Variants in LLGL1 observed in about 807,000 individuals in gnomAD.
The protein encoded by LLGL1 is LLGL scribble cell polarity complex component 1.
In LLGL1, 58 loss-of-function variants were observed where a neutral mutation model predicts 110.6. The ratio of observed to expected loss-of-function variants is 0.52; its 90% confidence interval spans 0.42 to 0.65. LLGL1 has a LOEUF of 0.65. LLGL1 is among the 30% of genes least tolerant of loss of function. LLGL1 has a pLI of 0.00. For synonymous variants in LLGL1, 674 were observed against 607.2 expected (o/e 1.11, Z -1.62); for missense variants, 1,229 against 1,462.1 (o/e 0.84, Z 2.60).
At chr17:18,228,233 A>G (rs909198925) in intron 1 of LLGL1, among the ~76,000 whole-genome samples, 1 of 152,308 alleles carries the variant, frequency 6.6e-6, no homozygotes, top group African/African-American at 2.4e-5. Context: ...AGGGGGTGAG[A>G]GGTGTGGCCA....
chr17:18,241,251 G>A (rs1026445044), intron 17 of LLGL1, 200 bp from the exon 18 acceptor site: 6 of 648,294 alleles, frequency 9.3e-6, no homozygotes, highest in South Asian at 4.0e-5. Flanking sequence ...GTCACAGATC[G>A]AGAGAGGGCC....
chr17:18,227,279 G>T (rs1309766245), intron 1 of LLGL1, among the ~76,000 whole-genome samples: 1 of 152,230 alleles, frequency 6.6e-6, no homozygotes, highest in African/African-American at 2.4e-5. Context: ...AGGGAAGCTG[G>T]TGCTCCGTGG....
At chr17:18,236,035 A>T (rs769459705) in intron 11 of LLGL1, 51 of 184,028 alleles carry the variant, frequency 2.8e-4, no homozygotes, top group Middle Eastern at 2.4e-3. Flanking sequence ...ACAGTCACAC[A>T]CCTCTCACGC....
chr17:18,240,564 C>G lies in LLGL1; in HGVS notation c.2207-14C>G. Reference sequence around the variant, plus strand: ...CCCACAGGGAGCACCCTCCTACGCGCTTGTTTTCTGCAGGGGCCCACCACG... The same window carrying G: ...CCCACAGGGAGCACCCTCCTACGCGGTTGTTTTCTGCAGGGGCCCACCACG... On this transcript the variant is annotated splice_polypyrimidine_tract_variant and intron_variant, in intron 16 of 22. Coordinates refer to ENST00000316843, the MANE Select transcript of LLGL1 (RefSeq NM_004140.4). This position sits in a 1 kb window ranked among gnomAD's most constrained non-coding sequence, Gnocchi z 5.3. 1 of 1,579,846 alleles carries G rather than the reference C, an allele frequency of 6.3e-7. No homozygotes were observed. Among genetic ancestry groups the G allele is most frequent in the Non-Finnish European group, 8.6e-7 (1 of 1,159,640 alleles).
rs2047724736 is a variant in LLGL1, at chr17:18,237,614, C to G, written c.1745C>G (p.Pro582Arg). Residue 582 changes from proline to arginine, a missense_variant, in exon 14 of 23, where the codon CCC becomes CGC. By Grantham distance (103) the Pro-to-Arg change is moderately radical. Transcript: ENST00000316843. ...CTGAGCCCACGCACGGGGCCGCTGCCCTGGCCTGCTGGCTTCCAGCCCCGT... is the reference window on the plus strand; with the variant it reads ...CTGAGCCCACGCACGGGGCCGCTGCGCTGGCCTGCTGGCTTCCAGCCCCGT... ...ERLSPRTGPL[P>R]WPAGFQPRVL... 5 of 1,611,412 alleles carry G rather than the reference C, an allele frequency of 3.1e-6. No individual in the cohort carries two copies. The highest frequency in any genetic ancestry group is 4.2e-6 in the Non-Finnish European group (5 of 1,179,874).
chr17:18,232,728 C>G lies in LLGL1; in HGVS notation c.318C>G (p.His106Gln), dbSNP rs767907165. 2 of 1,614,040 alleles carry G rather than the reference C, an allele frequency of 1.2e-6. No individual in the cohort carries two copies. Among genetic ancestry groups the G allele is most frequent in the African/African-American group, 2.7e-5 (2 of 74,944 alleles). Residue 106 changes from histidine (H) to glutamine (Q), a missense_variant, in exon 4 of 23, where the codon CAC becomes CAG. Transcript: ENST00000316843. ...DSSLHLWEIVHHNGCAHLEEA... is the reference protein window; with the variant it reads ...DSSLHLWEIVQHNGCAHLEEA... ...GTCTGCATCTCTGGGAGATTGTCCA[C>G]CATAATGGCTGTGCCCACCTGGAAG...
chr17:18,241,385 G>T (rs2047827782), intron 17 of LLGL1, 66 bp from the exon 18 acceptor site: 4 of 1,543,514 alleles, frequency 2.6e-6, no homozygotes, highest in Admixed American at 3.6e-5. Flanking sequence ...CAGCAGCCAC[G>T]AGGGTGAGGG....
intron 1 of LLGL1, among the ~76,000 whole-genome samples, chr17:18,226,280 C>T (rs2047440805): frequency 6.6e-6 from 1 of 152,196 alleles, no homozygotes; most frequent in African/African-American, 2.4e-5. Flanking sequence ...TCTGTGGAGT[C>T]TCTCGACCTC....
chr17:18,238,952 A>G (rs138400233), intron 16 of LLGL1, among the ~76,000 whole-genome samples: 1,553 of 152,094 alleles, frequency 0.01, 10 homozygotes, highest in Non-Finnish European at 0.016. Flanking sequence ...CGGAGGTTGC[A>G]GTGAGCCGAG....
chr17:18,235,489 GC>G lies in LLGL1; in HGVS notation c.1306del (p.Arg436GlufsTer14). On this transcript the variant is annotated frameshift_variant, in exon 11 of 23. Coordinates refer to ENST00000316843, the MANE Select transcript of LLGL1 (RefSeq NM_004140.4). LOFTEE classifies it high-confidence loss of function. ...SSALSWPITG[G>X]RNLAQEPSQR... ...TCCCAGAGCTGGCCCATCACTGGGG[GC>G]CGAAACCTGGCCCAGGAGCCGTCAC... The G allele has an allele frequency of 6.2e-7, 1 of 1,614,030 alleles. No homozygotes were observed. The highest frequency in any genetic ancestry group is 8.5e-7 in the Non-Finnish European group (1 of 1,180,014).
intron 8 of LLGL1, 23 bp downstream of exon 8, chr17:18,234,726 C>A (rs753036127): frequency 6.2e-7 from 1 of 1,613,900 alleles, no homozygotes; most frequent in Non-Finnish European, 8.5e-7. Context: ...AGTGGGTGTC[C>A]GATGTGAGTT....
intron 11 of LLGL1, 189 bp from the exon 12 acceptor site, chr17:18,236,418 C>T (rs1293974534): frequency 1.7e-6 from 1 of 598,460 alleles, no homozygotes; most frequent in Non-Finnish European, 2.9e-6. Flanking sequence ...TGTGGCCTGG[C>T]CTATAACAGG....
chr17:18,234,448 GA>G, intron 7 of LLGL1, 40 bp downstream of exon 7: 2 of 1,603,638 alleles, frequency 1.2e-6, no homozygotes, highest in South Asian at 1.1e-5. Flanking sequence ...GTGGTGATGG[GA>G]GGGGGCACCA....
Position 18,240,509 on chromosome 17 carries a change from C to G in LLGL1, c.2207-69C>G. The G allele has an allele frequency of 6.7e-7, 1 of 1,490,254 alleles. No individual in the cohort carries two copies. The highest frequency in any genetic ancestry group is 9.0e-7 in the Non-Finnish European group (1 of 1,115,862). The allele number at this position is 1,490,254 out of a possible 1,614,324, so 92.3% of individuals were successfully genotyped here. On this transcript the variant is annotated intron_variant, in intron 16 of 22. Coordinates refer to ENST00000316843, the MANE Select transcript of LLGL1 (RefSeq NM_004140.4). The surrounding 1 kb of genome is among the most constrained non-coding windows in gnomAD (Gnocchi z 5.3). ...AGAGAGGCAGGGAGGGACCTGCAGT[C>G]TGTGGGAAGACCCCAGGGGAGATGC...
At chr17:18,226,394 A>G (rs967375464) in intron 1 of LLGL1, among the ~76,000 whole-genome samples, 6 of 149,572 alleles carry the variant, frequency 4.0e-5, no homozygotes, top group African/African-American at 9.9e-5. Context: ...GTGCTTTGGC[A>G]CCCAGGAGGG....
intron 1 of LLGL1, among the ~76,000 whole-genome samples, chr17:18,227,787 G>T (rs1441860365): frequency 6.6e-6 from 1 of 152,236 alleles, no homozygotes; most frequent in Non-Finnish European, 1.5e-5. Context: ...CCTTGGGGTG[G>T]CGGAAAGTAA....
At chr17:18,237,827 G>C in intron 14 of LLGL1, 54 bp downstream of exon 14, 1 of 1,543,112 alleles carries the variant, frequency 6.5e-7, no homozygotes, top group South Asian at 1.2e-5. Flanking sequence ...GATGGGGTCT[G>C]GGCTTCCGTT....
rs2142750187 is a variant in LLGL1, at chr17:18,244,035, T to A, written c.*129T>A. On this transcript the variant is annotated 3_prime_UTR_variant, in exon 23 of 23. Coordinates refer to ENST00000316843, the MANE Select transcript of LLGL1 (RefSeq NM_004140.4). ...CTGTAGGCTCCACTGGGACCTGCTG[T>A]CCTGTCCCGCCTGACCCTGGGCCCT... The A allele has an allele frequency of 6.6e-6, 1 of 152,612 alleles. No individual in the cohort carries two copies. The highest frequency in any genetic ancestry group is 2.1e-4 in the South Asian group (1 of 4,832). The allele number at this position is 152,612 out of a possible 1,614,324, so 9.5% of individuals were successfully genotyped here.
Position 18,242,761 on chromosome 17 carries a change from G to A in LLGL1, c.3135G>A (p.Glu1045=), listed in dbSNP as rs2047872634. The A allele has an allele frequency of 3.8e-6, 6 of 1,569,676 alleles. No individual in the cohort carries two copies. The highest frequency in any genetic ancestry group is 5.2e-6 in the Non-Finnish European group (6 of 1,156,840). The part of the protein sequence containing the change: ...KDFLGSSEES[E]KNLRNLAEDE... ...CTCGCAGCTCCTCTGAGGAGTCAGA[G>A]AAGAACCTGAGGAACCTGGCAGAAG... The change falls in exon 22 of 23, where the codon GAG becomes GAA. Residue 1045 remains glutamate (E), a synonymous_variant. Transcript: ENST00000316843.
Sources: allele counts gnomAD v4.1 joint callset (sites outside exome capture counted in the v4.1 genomes callset), GRCh38; gene constraint gnomAD v4.1.1; non-coding constraint Gnocchi (gnomAD v3.1); transcripts MANE v1.5; gene names NCBI Gene and HGNC (gene_info 2026-07-23, HGNC 2026-07-21).